The following PTPRN2 variants were observed in gnomAD, a reference collection of about 807,000 sequenced individuals.
PTPRN2 encodes receptor-type tyrosine-protein phosphatase N2.
A neutral mutation model predicts 118.8 loss-of-function variants in PTPRN2; 74 were observed. The observed-to-expected ratio is 0.62, with a 90% CI of 0.52 to 0.76. The LOEUF is 0.76. Among genes scored for constraint, PTPRN2 ranks in the 30% least tolerant of loss-of-function variants. PTPRN2 has a pLI of 0.00. For synonymous variants in PTPRN2, 641 were observed against 608.0 expected (o/e 1.05, Z -0.80); for missense variants, 1,481 against 1,394.4 (o/e 1.06, Z -0.99).
At position 158,316,950 on chromosome 7, in the gene PTPRN2, G is replaced by A; in HGVS notation, c.164-18C>T. ...CACTCCATCTGTGAGAAGGGAAGGA[G>A]ATAAGACAGAACGAGACGTTTCATT... On this transcript the variant is annotated intron_variant, in intron 2 of 22. Coordinates refer to ENST00000389418, the MANE Select transcript of PTPRN2 (RefSeq NM_002847.5). 1.9e-6 allele frequency: 3 copies of A among 1,571,828 alleles called. No individual in the cohort carries two copies. The highest frequency in any genetic ancestry group is 1.1e-5 in the South Asian group (1 of 89,064).
intron 11 of PTPRN2, among the ~76,000 whole-genome samples, chr7:157,905,810 C>T (rs6971313): frequency 0.028 from 4,246 of 152,228 alleles, 190 homozygotes; most frequent in African/African-American, 0.091. Flanking sequence ...CACCCAGGCC[C>T]GGGGTGAAGC....
intron 14 of PTPRN2, among the ~76,000 whole-genome samples, chr7:157,643,333 C>T (rs918363071): frequency 1.3e-5 from 2 of 152,208 alleles, no homozygotes; most frequent in Non-Finnish European, 2.9e-5. Context: ...ATGGCTCTAG[C>T]ATTTTAAGCA....
Position 157,568,951 on chromosome 7 carries a change from C to T in PTPRN2, c.2853G>A (p.Arg951=), listed in dbSNP as rs1307364330. The T allele has an allele frequency of 1.3e-6, 2 of 1,574,488 alleles. No individual in the cohort carries two copies. Among genetic ancestry groups the T allele is most frequent in the Non-Finnish European group, 1.7e-6 (2 of 1,144,190 alleles). ...IIVHCSDGAG[R]SGTYVLIDMV... ...TGTCGATCAGGACGTAGGTGCCGCT[C>T]CGGCCTGCACCGTCACTGCCAACAG... is the stretch of plus-strand genomic sequence containing the variant. Residue 951 remains arginine, a synonymous_variant, in exon 21 of 23, where the codon CGG becomes CGA. Transcript: ENST00000389418.
At chr7:157,805,555 T>C (rs1299582325) in intron 12 of PTPRN2, among the ~76,000 whole-genome samples, 1 of 152,184 alleles carries the variant, frequency 6.6e-6, no homozygotes, top group Non-Finnish European at 1.5e-5. Flanking sequence ...AGAACATGTA[T>C]TCGACGTAAA....
chr7:157,759,744 C>T (rs571025398), intron 12 of PTPRN2, among the ~76,000 whole-genome samples: 2 of 152,184 alleles, frequency 1.3e-5, no homozygotes. Context: ...AAATAATGTA[C>T]GCGTTGAGAA....
chr7:158,344,191 C>A (rs1266939477), intron 2 of PTPRN2, among the ~76,000 whole-genome samples: 4 of 152,196 alleles, frequency 2.6e-5, no homozygotes, highest in African/African-American at 9.7e-5. Context: ...AAGAGATACC[C>A]AGGACAGCAC....
chr7:157,941,002 G>GTGACACTGCAAATCTAACACCCTCCCCCA (rs1800057240), intron 11 of PTPRN2, among the ~76,000 whole-genome samples: 2 of 27,658 alleles, frequency 7.2e-5, no homozygotes, highest in Non-Finnish European at 1.0e-4. Flanking sequence ...ACTCTCCCCC[G>GTGACACTGCAAATCTAACACCCTCCCCCA]TGACACTGCA....
chr7:158,407,200 GGTCCTGGGTCCTGC>G (rs1813577207), intron 2 of PTPRN2, among the ~76,000 whole-genome samples: 8 of 23,828 alleles, frequency 3.4e-4, no homozygotes, highest in African/African-American at 6.8e-4. Flanking sequence ...CTGGGTCCTG[GGTCCTGGGTCCTGC>G]GTCCTGCGTC....
intron 13 of PTPRN2, among the ~76,000 whole-genome samples, chr7:157,670,694 T>C (rs1796366067): frequency 6.6e-6 from 1 of 152,138 alleles, no homozygotes; most frequent in Non-Finnish European, 1.5e-5. Flanking sequence ...CACCGGGCAA[T>C]TAAGTTCTAA....
At chr7:158,167,366 G>C in intron 5 of PTPRN2, 75 bp from the exon 6 acceptor site, 1 of 1,513,526 alleles carries the variant, frequency 6.6e-7, no homozygotes, top group Non-Finnish European at 8.8e-7. Flanking sequence ...ATGCCCTTCA[G>C]TCTCAGTTTT....
intron 12 of PTPRN2, among the ~76,000 whole-genome samples, chr7:157,685,487 C>T (rs1797142000): frequency 6.6e-6 from 1 of 152,114 alleles, no homozygotes; most frequent in Admixed American, 6.5e-5. Context: ...CCGCCGGCTC[C>T]GGCTCCCCGA....
chr7:157,741,474 C>T (rs565628553), intron 12 of PTPRN2, among the ~76,000 whole-genome samples: 38 of 152,308 alleles, frequency 2.5e-4, no homozygotes, highest in South Asian at 1.9e-3. Context: ...TGTTTGCTAA[C>T]GCTGTTCATC....
chr7:158,166,702 GCCACTGCGTTC>G (rs1247818672), intron 6 of PTPRN2, among the ~76,000 whole-genome samples: 3 of 152,078 alleles, frequency 2.0e-5, no homozygotes, highest in Non-Finnish European at 4.4e-5. Flanking sequence ...CCTCTCACTG[GCCACTGCGTTC>G]CCAGGACGTG....
intron 19 of PTPRN2, among the ~76,000 whole-genome samples, chr7:157,573,746 T>A (rs1799875205): frequency 6.6e-6 from 1 of 152,118 alleles, no homozygotes; most frequent in East Asian, 1.9e-4. Context: ...TCAACCTGCT[T>A]CCCCACTCCC....
Position 158,325,003 on chromosome 7 carries a change from C to T in PTPRN2, c.164-8071G>A, listed in dbSNP as rs137929822. ...ATCTGCTGAGAAACGTCACTCACTG[C>T]GTTACCCCACAATTCTCCACAGAGA... On this transcript the variant is annotated intron_variant, in intron 2 of 22. Transcript: ENST00000389418. Among the ~76,000 whole-genome samples, 111 of 152,354 alleles carry T rather than the reference C, an allele frequency of 7.3e-4. 2 individuals carry two copies. The highest frequency in any genetic ancestry group is 2.1e-3 in the African/African-American group (89 of 41,584).
In PTPRN2 at chr7:158,273,454, G is replaced by GCAGA. The variant is rs1274149832; in HGVS notation, c.277+43361_277+43364dup. Among the ~76,000 whole-genome samples the GCAGA allele has an allele frequency of 2.3e-3, 217 of 93,872 alleles. 2 individuals carry two copies. The highest frequency in any genetic ancestry group is 8.6e-3 in the African/African-American group (165 of 19,296). 61.6% of individuals were successfully genotyped at this position (93,872 alleles called of 152,430 possible). On this transcript the variant is annotated intron_variant, in intron 3 of 22. Transcript: ENST00000389418. Reference sequence around the variant, plus strand: ...GCCGCAGACAGACGCGGGAGGAGCCGCAGACGCAGGGGGAGCCGCAGGCAC... The same window carrying GCAGA: ...GCCGCAGACAGACGCGGGAGGAGCCGCAGACAGACGCAGGGGGAGCCGCAGGCAC...
In PTPRN2 at chr7:157,929,325, G is replaced by A. The variant is rs554769671; in HGVS notation, c.1724-30588C>T. Among the ~76,000 whole-genome samples the A allele has an allele frequency of 8.3e-4, 126 of 151,978 alleles. No homozygotes were observed. The highest frequency in any genetic ancestry group is 3.4e-3 in the Middle Eastern group (1 of 292). On this transcript the variant is annotated intron_variant, in intron 11 of 22. Transcript: ENST00000389418. This position sits in a 1 kb window ranked among gnomAD's most constrained non-coding sequence, Gnocchi z 4.4. Reference sequence around the variant, plus strand: ...TTCAGCAACCCTGCCTTACGGTGGGGATGCTGGACAGGCATTCAGGAGACA... The same window carrying A: ...TTCAGCAACCCTGCCTTACGGTGGGAATGCTGGACAGGCATTCAGGAGACA...
At chr7:157,612,904 C>G (rs889529459) in intron 15 of PTPRN2, among the ~76,000 whole-genome samples, 5 of 152,170 alleles carry the variant, frequency 3.3e-5, no homozygotes, top group African/African-American at 9.7e-5. Flanking sequence ...CAGGGCAGGG[C>G]CCCCCACACC....
chr7:157,958,384 G>A (rs952275252), intron 11 of PTPRN2, among the ~76,000 whole-genome samples: 4 of 152,142 alleles, frequency 2.6e-5, no homozygotes, highest in Non-Finnish European at 2.9e-5. Flanking sequence ...AGACAGTATT[G>A]GAGGTGCCAG....
Sources: allele counts gnomAD v4.1 joint callset (sites outside exome capture counted in the v4.1 genomes callset), GRCh38; gene constraint gnomAD v4.1.1; non-coding constraint Gnocchi (gnomAD v3.1); transcripts MANE v1.5; gene names NCBI Gene and HGNC (gene_info 2026-07-23, HGNC 2026-07-21).